The following RTTN variants were observed in gnomAD, a reference collection of about 807,000 sequenced individuals.
RTTN encodes the protein rotatin.
A neutral mutation model predicts 269.2 loss-of-function variants in RTTN; 182 were observed. The observed-to-expected ratio is 0.68, with a 90% confidence interval of 0.60 to 0.76. RTTN has a LOEUF of 0.76. Among genes scored for constraint, RTTN ranks in the 30% least tolerant of loss-of-function variants. RTTN has a pLI of 0.00. For missense variants in RTTN, 2,545 were observed against 2,608.6 expected, an observed-to-expected ratio of 0.98 and a Z score of 0.53; for synonymous variants, 1,006 against 963.5, an observed-to-expected ratio of 1.04 and a Z score of -0.82.
intron 14 of RTTN, among the ~76,000 whole-genome samples, chr18:70,152,694 A>G (rs1390827920): frequency 6.6e-6 from 1 of 152,070 alleles, no homozygotes. Context: ...TCCTACTCTC[A>G]TTATCAGCAA....
At chr18:70,123,850 G>A (rs769187294) in intron 25 of RTTN, among the ~76,000 whole-genome samples, 2 of 152,046 alleles carry the variant, frequency 1.3e-5, no homozygotes, top group Non-Finnish European at 2.9e-5. Context: ...TTTCCTACAA[G>A]AGTGACACCT....
chr18:70,134,416 T>A (rs1269979457), intron 23 of RTTN, 57 bp downstream of exon 23: 1 of 1,264,520 alleles, frequency 7.9e-7, no homozygotes, highest in East Asian at 2.3e-5. Context: ...GATTTTGATT[T>A]CCCTTTCTGT....
intron 10 of RTTN, among the ~76,000 whole-genome samples, chr18:70,182,511 G>C (rs1476194032): frequency 1.3e-5 from 2 of 152,044 alleles, no homozygotes; most frequent in African/African-American, 4.8e-5. Context: ...AAGGGAGAGG[G>C]GAAGGAAGAA....
chr18:70,158,772 C>CA (rs1233640702), intron 14 of RTTN, among the ~76,000 whole-genome samples: 1 of 151,596 alleles, frequency 6.6e-6, no homozygotes, highest in African/African-American at 2.4e-5. Flanking sequence ...AAACAGAAAA[C>CA]AAAAAAAGAG....
chr18:70,205,649 C>T lies in RTTN; in HGVS notation c.10G>A (p.Ala4Thr). The change falls in exon 1 of 49, where the codon GCA becomes ACA. Residue 4 changes from alanine to threonine, a missense_variant. Transcript: ENST00000640769. MVL[A>T]GLIRKLGHQL... ...TTACCGAGTTTCCTGATGAGCCCTG[C>T]CAGGACCATCTCGTCCCGTCAATCT... 1 of 1,614,120 alleles carries T rather than the reference C, an allele frequency of 6.2e-7. No homozygotes were observed. The highest frequency in any genetic ancestry group is 8.5e-7 in the Non-Finnish European group (1 of 1,180,020).
intron 15 of RTTN, 54 bp downstream of exon 15, chr18:70,150,554 T>G: frequency 6.4e-7 from 1 of 1,553,762 alleles, no homozygotes; most frequent in Non-Finnish European, 8.9e-7. Context: ...ATCACCTTGA[T>G]TTAGCTGAGT....
rs2058870649 is a variant in RTTN, at chr18:70,092,277, C to CAGGAAGGT, written c.4033-65_4033-58dup. On this transcript the variant is annotated intron_variant, in intron 29 of 48. Coordinates refer to ENST00000640769, the MANE Select transcript of RTTN (RefSeq NM_173630.4). ...GAGGTAAGTTTCTAAAAATAAAATG[C>CAGGAAGGT]AGGAAGGTTAAAACAAGAATTTTTA... The CAGGAAGGT allele has an allele frequency of 2.7e-6, 3 of 1,101,394 alleles. No homozygotes were observed. In the Admixed American group the frequency reaches 5.5e-5, roughly 20 times the overall value. 68.2% of individuals were successfully genotyped at this position (1,101,394 alleles called of 1,614,324 possible).
intron 34 of RTTN, among the ~76,000 whole-genome samples, chr18:70,072,495 G>A (rs976465160): frequency 2.0e-5 from 3 of 151,942 alleles, no homozygotes; most frequent in African/African-American, 4.8e-5. Context: ...ATTCTAACCT[G>A]TAAGATTAAA....
intron 14 of RTTN, among the ~76,000 whole-genome samples, chr18:70,154,021 C>T (rs1319653002): frequency 6.6e-6 from 1 of 151,990 alleles, no homozygotes; most frequent in Non-Finnish European, 1.5e-5. Context: ...ATTTTATCTC[C>T]TTCTACAACT....
In RTTN at chr18:70,029,901, G is replaced by A. The variant is rs139326191; in HGVS notation, c.5745+111C>T. 5.1e-3 allele frequency: 3,794 copies of A among 739,490 alleles called. 17 individuals carry two copies. The highest frequency in any genetic ancestry group is 7.4e-3 in the Non-Finnish European group (3,259 of 440,722). 45.8% of individuals were successfully genotyped at this position (739,490 alleles called of 1,614,324 possible). ...AGAAGTCTCATTAATTTATCCATCT[G>A]TACCTTTCTTCTAAATGAGACACTC... On this transcript the variant is annotated intron_variant, in intron 42 of 48. Transcript: ENST00000640769.
At chr18:70,063,981 T>TG (rs2058062577) in intron 35 of RTTN, among the ~76,000 whole-genome samples, 1 of 150,120 alleles carries the variant, frequency 6.7e-6, no homozygotes, top group Non-Finnish European at 1.5e-5. Flanking sequence ...TTTTTTTTTT[T>TG]GGTCATATAT....
rs780374267 is a variant in RTTN at position 70,190,595 on chromosome 18, T to C, written c.1132A>G (p.Ser378Gly). 9 of 1,613,700 alleles carry C rather than the reference T, an allele frequency of 5.6e-6. No individual in the cohort carries two copies. The South Asian group carries it at 9.9e-5, about 18-fold the overall frequency. ...DTLELQFQQL[S>G]LPQFCVSILE... is the part of the protein sequence containing the mutation. Reference sequence around the variant, plus strand: ...ATGGAGACACAAAACTGGGGAAGACTGAGCTGCTGGAATTGTAGTTCCAAT... The same window carrying C: ...ATGGAGACACAAAACTGGGGAAGACCGAGCTGCTGGAATTGTAGTTCCAAT... Residue 378 changes from serine (S) to glycine (G), a missense_variant, in exon 9 of 49, where the codon AGT becomes GGT. Ser to Gly is a moderately conservative substitution (Grantham distance 56, BLOSUM62 0). Coordinates refer to ENST00000640769, the MANE Select transcript of RTTN (RefSeq NM_173630.4).
At chr18:70,143,027 C>CA (rs955578756) in intron 18 of RTTN, among the ~76,000 whole-genome samples, 9 of 151,680 alleles carry the variant, frequency 5.9e-5, no homozygotes, top group African/African-American at 9.7e-5. Context: ...CTCTGTCTCA[C>CA]AAAAAAAATA....
rs758596681 is a variant in RTTN, at chr18:70,092,234, A to G, written c.4033-14T>C. On this transcript the variant is annotated splice_polypyrimidine_tract_variant and intron_variant, in intron 29 of 48. Transcript: ENST00000640769. The stretch of plus-strand genomic sequence containing the variant: ...TGACATCCACTCCTAGAGGGAAAAA[A>G]GGGAAACAGAAATATTTGAGGTAAG... The G allele has an allele frequency of 1.3e-5, 19 of 1,470,136 alleles. No homozygotes were observed. The South Asian group carries it at 1.9e-4, about 14-fold the overall frequency. The allele number at this position is 1,470,136 out of a possible 1,614,324, so 91.1% of individuals were successfully genotyped here.
chr18:70,163,069 T>TAAAAAAAAAAAAAAAAAAAAA (rs10559303), intron 14 of RTTN, among the ~76,000 whole-genome samples: 4 of 56,968 alleles, frequency 7.0e-5, no homozygotes, highest in African/African-American at 2.1e-4. Context: ...TTACTATTAT[T>TAAAAAAAAAAAAAAAAAAAAA]AAAAAAAAAA....
In RTTN at chr18:70,166,144, T is replaced by C; in HGVS notation, c.1847A>G (p.Gln616Arg). 6.2e-7 allele frequency: 1 copy of C among 1,613,678 alleles called. No homozygotes were observed. Among genetic ancestry groups the C allele is most frequent in the Non-Finnish European group, 8.5e-7 (1 of 1,179,602 alleles). ...AGACAACATATGGAGAAGCACCTTC[T>C]GACTTTCTCCTTGTAGTAATGGACT... is the stretch of plus-strand genomic sequence containing the variant. ...QASPLLQGES[Q>R]KVLLHMLSHP... is the part of the protein sequence containing the mutation. Residue 616 changes from glutamine to arginine, a missense_variant, in exon 14 of 49, where the codon CAG (glutamine) becomes CGG (arginine). Transcript: ENST00000640769.
chr18:70,068,325 A>C (rs893151482), intron 34 of RTTN, among the ~76,000 whole-genome samples: 1 of 152,190 alleles, frequency 6.6e-6, no homozygotes, highest in Non-Finnish European at 1.5e-5. Context: ...TAGGTACAAA[A>C]AGCCTGACCT....
At chr18:70,114,047 T>A (rs976923253) in intron 27 of RTTN, among the ~76,000 whole-genome samples, 2 of 152,186 alleles carry the variant, frequency 1.3e-5, no homozygotes, top group African/African-American at 4.8e-5. Context: ...GACTTTCATC[T>A]TAATATTTTT....
chr18:70,152,641 C>T (rs1433454014), intron 14 of RTTN, among the ~76,000 whole-genome samples: 1 of 152,120 alleles, frequency 6.6e-6, no homozygotes, highest in African/African-American at 2.4e-5. Context: ...AATCCAACTG[C>T]TAGATCCAAA....
Sources: allele counts gnomAD v4.1 joint callset (sites outside exome capture counted in the v4.1 genomes callset), GRCh38; gene constraint gnomAD v4.1.1; transcripts MANE v1.5; gene names NCBI Gene and HGNC (gene_info 2026-07-23, HGNC 2026-07-21).